The following KDM7A variants were observed in gnomAD, a reference collection of about 807,000 sequenced individuals.
The protein encoded by KDM7A is lysine-specific demethylase 7A.
A neutral mutation model predicts 114.8 loss-of-function variants in KDM7A; 28 were observed. That is an observed-to-expected ratio of 0.24 (90% CI 0.18 to 0.33). KDM7A has a LOEUF of 0.33. Among genes scored for constraint, KDM7A ranks in the 10% least tolerant of loss-of-function variants. The probability of loss-of-function intolerance (pLI) is 1.00; values close to 1 mark genes in which losing one functional copy is unlikely to be tolerated. For missense variants in KDM7A, 942 were observed against 1,142.5 expected, an observed-to-expected ratio of 0.82 and a Z score of 2.53; for synonymous variants, 423 against 397.8, an observed-to-expected ratio of 1.06 and a Z score of -0.75.
chr7:140,106,056 G>A (rs1052523859), intron 11 of KDM7A, among the ~76,000 whole-genome samples: 3 of 152,172 alleles, frequency 2.0e-5, no homozygotes, highest in Non-Finnish European at 4.4e-5. Flanking sequence ...ATTTCTTCTA[G>A]ATTTTCTAGT....
rs76703858 is a variant in KDM7A at position 140,098,340 on chromosome 7, T to A, written c.1918+539A>T. The stretch of plus-strand genomic sequence containing the variant: ...ATATATTGAGAAACTAAGGCTTAAT[T>A]CAAAGAAGAAAGACCTTAAGGAGAA... On this transcript the variant is annotated intron_variant, in intron 14 of 19. Transcript: ENST00000397560. Among the ~76,000 whole-genome samples the A allele has an allele frequency of 3.8e-3, 580 of 152,308 alleles. 2 individuals carry two copies. The highest frequency in any genetic ancestry group is 0.01 in the Middle Eastern group (3 of 292).
Position 140,176,382 on chromosome 7 carries a change from G to A in KDM7A, c.194+362C>T, listed in dbSNP as rs1794708286. ...GCGGGGCGGGGCGGCGGCGGCCCGG[G>A]CTGGCGAGGGGCTGCGGACCCGGCC... On this transcript the variant is annotated intron_variant, in intron 1 of 19. Transcript: ENST00000397560. The surrounding 1 kb of genome is among the most constrained non-coding windows in gnomAD (Gnocchi z 4.4). 2.1e-5 allele frequency among the ~76,000 whole-genome samples: 3 copies of A among 144,322 alleles called. No homozygotes were observed. The highest frequency in any genetic ancestry group is 2.0e-4 in the Admixed American group (3 of 14,646). 94.7% of individuals were successfully genotyped at this position (144,322 alleles called of 152,430 possible).
intron 3 of KDM7A, 60 bp downstream of exon 3, chr7:140,133,479 C>T: frequency 1.0e-6 from 1 of 973,282 alleles, no homozygotes; most frequent in Admixed American, 1.9e-5. Flanking sequence ...TATAATGTCA[C>T]TCTATGAGAC....
intron 1 of KDM7A, among the ~76,000 whole-genome samples, chr7:140,146,396 C>T (rs1342479666): frequency 1.3e-5 from 2 of 152,176 alleles, no homozygotes; most frequent in Admixed American, 6.5e-5. Flanking sequence ...ATCCTTCACT[C>T]ACTGCCTCCC....
At chr7:140,169,602 T>C (rs1417564472) in intron 1 of KDM7A, among the ~76,000 whole-genome samples, 38 of 152,140 alleles carry the variant, frequency 2.5e-4, no homozygotes, top group Admixed American at 2.5e-3. Flanking sequence ...CTCGGCTCAC[T>C]GCAACCTCCG....
At chr7:140,167,464 T>C (rs1794591363) in intron 1 of KDM7A, among the ~76,000 whole-genome samples, 1 of 152,134 alleles carries the variant, frequency 6.6e-6, no homozygotes, top group Admixed American at 6.5e-5. Context: ...TACAGAATCT[T>C]TGACATATGA....
chr7:140,096,893 GCCTA>G lies in KDM7A; in HGVS notation c.2165+2_2165+5del. On this transcript the variant is annotated splice_donor_variant and splice_donor_5th_base_variant and intron_variant, in intron 16 of 19. Coordinates refer to ENST00000397560, the MANE Select transcript of KDM7A (RefSeq NM_030647.2). LOFTEE classifies it high-confidence loss of function. The stretch of plus-strand genomic sequence containing the variant: ...TAATAAGACTTACTACTATCAGCAA[GCCTA>G]CCTTTTAATTGGAATTTCACTTCTA... 2 of 1,613,250 alleles carry G rather than the reference GCCTA, an allele frequency of 1.2e-6. No homozygotes were observed. The highest frequency in any genetic ancestry group is 8.5e-7 in the Non-Finnish European group (1 of 1,179,420).
intron 4 of KDM7A, 120 bp from the exon 5 acceptor site, chr7:140,127,703 G>C: frequency 1.1e-6 from 1 of 873,212 alleles, no homozygotes; most frequent in East Asian, 2.4e-5. Context: ...ATGTAGTCTA[G>C]ACAAATATTT....
chr7:140,167,147 G>C (rs138630685), intron 1 of KDM7A, among the ~76,000 whole-genome samples: 1 of 152,038 alleles, frequency 6.6e-6, no homozygotes, highest in Admixed American at 6.6e-5. Flanking sequence ...TTCTCAGAGA[G>C]AAGGACTCAA....
intron 14 of KDM7A, among the ~76,000 whole-genome samples, 168 bp downstream of exon 14, chr7:140,098,711 C>A (rs776063422): frequency 3.9e-5 from 6 of 152,208 alleles, no homozygotes; most frequent in Non-Finnish European, 5.9e-5. Flanking sequence ...CCTCACTGGG[C>A]ATTCACGTTC....
At chr7:140,144,426 G>T (rs1203812876) in intron 1 of KDM7A, among the ~76,000 whole-genome samples, 1 of 152,094 alleles carries the variant, frequency 6.6e-6, no homozygotes, top group Admixed American at 6.5e-5. Flanking sequence ...AGTCTTCAAG[G>T]GTTCGGATCA....
chr7:140,156,936 T>C (rs1794464181), intron 1 of KDM7A, among the ~76,000 whole-genome samples: 1 of 152,224 alleles, frequency 6.6e-6, no homozygotes, highest in African/African-American at 2.4e-5. Flanking sequence ...CCTGTACAGA[T>C]ATGCTCATCT....
At chr7:140,095,593 A>T in intron 17 of KDM7A, 1 of 254,178 alleles carries the variant, frequency 3.9e-6, no homozygotes, top group Non-Finnish European at 8.0e-6. Context: ...AATTAAGTGA[A>T]ATAACCAGGC....
chr7:140,129,259 A>C lies in KDM7A; in HGVS notation c.559+234T>G, dbSNP rs529291134. ...GTATCAGAGAACTTAATGGCACAAA[A>C]GAAAGCAGCAGGATGAAGCTGAGTA... On this transcript the variant is annotated intron_variant, in intron 4 of 19. Transcript: ENST00000397560. 2.6e-5 allele frequency among the ~76,000 whole-genome samples: 4 copies of C among 152,346 alleles called. 1 individual carries two copies. The South Asian group carries it at 8.3e-4, about 32-fold the overall frequency.
chr7:140,091,779 T>C (rs771081115), intron 19 of KDM7A, 25 bp downstream of exon 19: 17 of 1,607,172 alleles, frequency 1.1e-5, no homozygotes, highest in Non-Finnish European at 2.5e-6. Flanking sequence ...GAAATATACT[T>C]TCTCTATACA....
intron 2 of KDM7A, among the ~76,000 whole-genome samples, chr7:140,135,354 C>T (rs1818851505): frequency 1.3e-5 from 2 of 152,038 alleles, no homozygotes; most frequent in Admixed American, 6.6e-5. Context: ...AGGGGTGTGC[C>T]ACCACATTCG....
chr7:140,121,812 T>A (rs1016158268), intron 7 of KDM7A, among the ~76,000 whole-genome samples: 1 of 152,178 alleles, frequency 6.6e-6, no homozygotes, highest in Non-Finnish European at 1.5e-5. Context: ...ATTATATATA[T>A]CTGTATATAC....
chr7:140,167,051 G>A (rs1794584203), intron 1 of KDM7A, among the ~76,000 whole-genome samples: 1 of 151,962 alleles, frequency 6.6e-6, no homozygotes, highest in Admixed American at 6.6e-5. Flanking sequence ...TTAAAAATGT[G>A]TAAAATCTAT....
chr7:140,136,067 C>A (rs904687886), intron 2 of KDM7A, among the ~76,000 whole-genome samples: 2 of 152,190 alleles, frequency 1.3e-5, no homozygotes, highest in Non-Finnish European at 2.9e-5. Context: ...TCAAGCAATC[C>A]TCCTATCTCA....
Sources: allele counts gnomAD v4.1 joint callset (sites outside exome capture counted in the v4.1 genomes callset), GRCh38; gene constraint gnomAD v4.1.1; non-coding constraint Gnocchi (gnomAD v3.1); transcripts MANE v1.5; gene names NCBI Gene and HGNC (gene_info 2026-07-23, HGNC 2026-07-21).